PPFIA2: variants seen among roughly 807,000 people sequenced by gnomAD.
PPFIA2 encodes the protein liprin-alpha-2.
In PPFIA2, 46 loss-of-function variants were observed where a neutral mutation model predicts 175.5. The observed-to-expected ratio is 0.26, with a 90% CI of 0.21 to 0.34. The LOEUF is 0.34. PPFIA2 is among the 10% of genes least tolerant of loss of function. PPFIA2 has a pLI of 1.00. For synonymous variants in PPFIA2, 568 were observed against 511.4 expected (o/e 1.11, Z -1.49); for missense variants, 1,179 against 1,506.1 (o/e 0.78, Z 3.60).
intron 7 of PPFIA2, among the ~76,000 whole-genome samples, chr12:81,412,937 G>A (rs1453520387): frequency 2.6e-5 from 4 of 151,706 alleles, no homozygotes; most frequent in Non-Finnish European, 5.9e-5. Context: ...GTGCCGTCTT[G>A]GCTGTGAGTT....
At chr12:81,378,474 T>C (rs895047050) in intron 9 of PPFIA2, among the ~76,000 whole-genome samples, 5 of 152,188 alleles carry the variant, frequency 3.3e-5, no homozygotes, top group African/African-American at 1.2e-4. Flanking sequence ...ATTATATACA[T>C]ACTCCTAGAT....
intron 4 of PPFIA2, among the ~76,000 whole-genome samples, chr12:81,502,641 C>G (rs1679540500): frequency 6.6e-6 from 1 of 152,158 alleles, no homozygotes; most frequent in Admixed American, 6.6e-5. Context: ...CAAGTACCCA[C>G]TATGTGCTAG....
Position 81,457,750 on chromosome 12 carries a change from C to A in PPFIA2, c.405+15G>T. On this transcript the variant is annotated intron_variant, in intron 5 of 32. Coordinates refer to ENST00000549396, the MANE Select transcript of PPFIA2 (RefSeq NM_003625.5). ...ACAAATAGAATTAATTCCAAAAAGG[C>A]TGCTTTACACTTACTCTTGTGTTGT... 6.6e-7 allele frequency: 1 copy of A among 1,514,254 alleles called. No homozygotes were observed. The highest frequency in any genetic ancestry group is 1.2e-5 in the South Asian group (1 of 81,580). The allele number at this position is 1,514,254 out of a possible 1,614,324, so 93.8% of individuals were successfully genotyped here. A position where few individuals can be genotyped will look rare whatever the true frequency, so the allele number is the denominator to read the frequency against.
At chr12:81,316,513 G>T (rs928585553) in intron 22 of PPFIA2, among the ~76,000 whole-genome samples, 3 of 151,422 alleles carry the variant, frequency 2.0e-5, no homozygotes, top group African/African-American at 7.3e-5. Flanking sequence ...TCCTTACATG[G>T]TTTATTTATT....
At chr12:81,295,379 T>C (rs552878457) in intron 23 of PPFIA2, among the ~76,000 whole-genome samples, 2 of 152,284 alleles carry the variant, frequency 1.3e-5, no homozygotes, top group Admixed American at 1.3e-4. Flanking sequence ...CCACATTTGA[T>C]AAGGGACTCA....
intron 15 of PPFIA2, among the ~76,000 whole-genome samples, chr12:81,360,758 T>C (rs2061470420): frequency 6.7e-6 from 1 of 150,258 alleles, no homozygotes; most frequent in Non-Finnish European, 1.5e-5. Flanking sequence ...TAATAAATAT[T>C]CAGTTATCCT....
At chr12:81,360,699 G>A (rs915986923) in intron 15 of PPFIA2, among the ~76,000 whole-genome samples, 1 of 151,496 alleles carries the variant, frequency 6.6e-6, no homozygotes, top group Non-Finnish European at 1.5e-5. Context: ...TTGTTTTTAC[G>A]AAATTACTTG....
chr12:81,754,335 T>C, intron 2 of PPFIA2, 112 bp from the exon 3 acceptor site: 1 of 1,320,164 alleles, frequency 7.6e-7, no homozygotes, highest in Non-Finnish European at 1.0e-6. Flanking sequence ...TTGTCTCTAT[T>C]TCCCCTACCT....
intron 9 of PPFIA2, among the ~76,000 whole-genome samples, chr12:81,381,004 A>G (rs866591266): frequency 4.0e-5 from 5 of 123,942 alleles, no homozygotes; most frequent in Middle Eastern, 3.9e-3. Flanking sequence ...GTGTGTGTGT[A>G]TACAAAAAAA....
chr12:81,536,797 T>C (rs1460768409), intron 4 of PPFIA2, among the ~76,000 whole-genome samples: 1 of 146,586 alleles, frequency 6.8e-6, no homozygotes, highest in Admixed American at 6.9e-5. Context: ...AAATAACTTC[T>C]CCATTAGAAA....
intron 7 of PPFIA2, among the ~76,000 whole-genome samples, chr12:81,415,261 T>TATATA (rs2044998614): frequency 1.2e-5 from 1 of 80,280 alleles, no homozygotes; most frequent in Non-Finnish European, 2.5e-5. Flanking sequence ...ATATATATGT[T>TATATA]TGTAAGAATT....
intron 4 of PPFIA2, among the ~76,000 whole-genome samples, chr12:81,556,503 T>C (rs1364259857): frequency 6.6e-6 from 1 of 151,862 alleles, no homozygotes; most frequent in Non-Finnish European, 1.5e-5. Flanking sequence ...ACATAACATA[T>C]ATTGATAGGA....
intron 3 of PPFIA2, among the ~76,000 whole-genome samples, chr12:81,703,307 A>C (rs1484687385): frequency 6.6e-6 from 1 of 152,086 alleles, no homozygotes; most frequent in Admixed American, 6.6e-5. Flanking sequence ...TCTTTTTTAC[A>C]GCCCCAATTT....
intron 4 of PPFIA2, among the ~76,000 whole-genome samples, chr12:81,640,157 G>T (rs571624913): frequency 1.4e-4 from 21 of 152,134 alleles, no homozygotes; most frequent in Middle Eastern, 3.4e-3. Context: ...AACATTTGAA[G>T]GACTATCATA....
chr12:81,529,225 A>T (rs1340267868), intron 4 of PPFIA2, among the ~76,000 whole-genome samples: 1 of 151,990 alleles, frequency 6.6e-6, no homozygotes, highest in African/African-American at 2.4e-5. Flanking sequence ...ATACTACAAA[A>T]TATGTACTTT....
chr12:81,633,763 A>G (rs1322589791), intron 4 of PPFIA2, among the ~76,000 whole-genome samples: 1 of 152,048 alleles, frequency 6.6e-6, no homozygotes, highest in Non-Finnish European at 1.5e-5. Flanking sequence ...ACAAGATAGG[A>G]GAGTATAAAA....
chr12:81,417,333 T>TAAC (rs2045474178), intron 7 of PPFIA2: 1 of 151,610 alleles, frequency 6.6e-6, no homozygotes. Flanking sequence ...CGTGCATGGT[T>TAAC]AACACTGTAA....
At chr12:81,504,314 C>A (rs896641901) in intron 4 of PPFIA2, among the ~76,000 whole-genome samples, 3 of 152,008 alleles carry the variant, frequency 2.0e-5, no homozygotes, top group Non-Finnish European at 4.4e-5. Flanking sequence ...AATCAAACAA[C>A]CCCATCAAAA....
At chr12:81,728,168 C>T (rs1246241965) in intron 3 of PPFIA2, among the ~76,000 whole-genome samples, 1 of 151,412 alleles carries the variant, frequency 6.6e-6, no homozygotes. Context: ...GACACAGTCT[C>T]TGCTGGTTTG....
Sources: gnomAD v4.1 joint callset for allele counts (sites outside exome capture counted in the v4.1 genomes callset) on GRCh38, gnomAD v4.1.1 for gene constraint, MANE v1.5 for transcripts, NCBI Gene and HGNC (gene_info 2026-07-23, HGNC 2026-07-21) for gene names.